Variants in RBP7 observed in about 807,000 individuals in gnomAD.
RBP7 encodes retinoid-binding protein 7.
RBP7 carries 13 observed loss-of-function variants against 16.7 expected under a neutral mutation model. That is an observed-to-expected ratio of 0.78 (90% CI 0.51 to 1.24). The LOEUF (loss-of-function observed/expected upper bound fraction) is 1.24. Among genes scored for constraint, RBP7 ranks in the 50% most tolerant of loss-of-function variants. The probability of loss-of-function intolerance (pLI) is 0.00; values close to 1 mark genes in which losing one functional copy is unlikely to be tolerated. For synonymous variants in RBP7, 54 were observed against 56.2 expected (o/e 0.96, Z 0.17); for missense variants, 145 against 159.5 (o/e 0.91, Z 0.49).
intron 3 of RBP7, among the ~76,000 whole-genome samples, chr1:10,015,268 C>T (rs1002876015): frequency 6.6e-6 from 1 of 151,846 alleles, no homozygotes; most frequent in Non-Finnish European, 1.5e-5. Context: ...GGTGAAACCC[C>T]GTCGCTACTA....
In RBP7 at chr1:10,015,845, A is replaced by G; in HGVS notation, c.*13A>G. 6.2e-7 allele frequency: 1 copy of G among 1,613,170 alleles called. No homozygotes were observed. Among genetic ancestry groups the G allele is most frequent in the Non-Finnish European group, 8.5e-7 (1 of 1,179,142 alleles). On this transcript the variant is annotated 3_prime_UTR_variant, in exon 4 of 4. Transcript: ENST00000294435. ...CCAGAGAGCCTGATCCACATCCAGCAGCAGAGCCCACTTGTGGCTGCAGCT... is the reference window on the plus strand; with the variant it reads ...CCAGAGAGCCTGATCCACATCCAGCGGCAGAGCCCACTTGTGGCTGCAGCT...
intron 1 of RBP7, among the ~76,000 whole-genome samples, chr1:10,001,922 G>A (rs566966950): frequency 4.4e-4 from 67 of 151,878 alleles, no homozygotes; most frequent in Admixed American, 1.6e-3. Context: ...TCCGTCTCCC[G>A]GGTTCAAGCA....
chr1:10,005,631 TC>T, intron 1 of RBP7, among the ~76,000 whole-genome samples: 1 of 151,740 alleles, frequency 6.6e-6, no homozygotes, highest in East Asian at 1.9e-4. Context: ...TCGCACGATC[TC>T]GGCTCACTGC....
intron 3 of RBP7, among the ~76,000 whole-genome samples, chr1:10,012,211 CAAAAAAA>C (rs35228920): frequency 5.9e-5 from 3 of 50,744 alleles, no homozygotes; most frequent in African/African-American, 9.2e-5. Context: ...AACTCCATCT[CAAAAAAA>C]AAAAAAAAAA....
At chr1:10,002,874 A>G (rs1368039719) in intron 1 of RBP7, among the ~76,000 whole-genome samples, 2 of 152,132 alleles carry the variant, frequency 1.3e-5, no homozygotes, top group Non-Finnish European at 2.9e-5. Context: ...AAATCTGTGA[A>G]GTGACAATGT....
chr1:10,004,857 G>A (rs1422915855), intron 1 of RBP7, among the ~76,000 whole-genome samples: 1 of 152,116 alleles, frequency 6.6e-6, no homozygotes, highest in Non-Finnish European at 1.5e-5. Flanking sequence ...GCCAGGTGTG[G>A]TGGCACATGC....
chr1:9,998,246 C>G (rs1642207783), intron 1 of RBP7, among the ~76,000 whole-genome samples: 1 of 152,152 alleles, frequency 6.6e-6, no homozygotes, highest in African/African-American at 2.4e-5. Flanking sequence ...CCCGCCTTGG[C>G]CTCCCAAAGT....
intron 3 of RBP7, among the ~76,000 whole-genome samples, chr1:10,015,146 A>C (rs1642741557): frequency 1.3e-5 from 2 of 152,100 alleles, no homozygotes; most frequent in African/African-American, 2.4e-5. Context: ...CTAGGAGTTC[A>C]AGACCAGCCT....
chr1:10,001,789 ATATT>A (rs1263926313), intron 1 of RBP7, among the ~76,000 whole-genome samples: 1 of 148,624 alleles, frequency 6.7e-6, no homozygotes, highest in African/African-American at 2.5e-5. Flanking sequence ...ACACTGGGAT[ATATT>A]TATTTAATTT....
intron 1 of RBP7, among the ~76,000 whole-genome samples, chr1:10,000,638 A>G (rs936269986): frequency 2.0e-5 from 3 of 152,330 alleles, no homozygotes; most frequent in African/African-American, 7.2e-5. Flanking sequence ...ATGCTTGTTC[A>G]TGTACATGTA....
chr1:9,999,236 C>G (rs1642225316), intron 1 of RBP7, among the ~76,000 whole-genome samples: 1 of 152,082 alleles, frequency 6.6e-6, no homozygotes, highest in Admixed American at 6.6e-5. Flanking sequence ...GGCAGTTAAA[C>G]CTCTTTTTCT....
intron 3 of RBP7, among the ~76,000 whole-genome samples, chr1:10,013,873 G>A (rs1440720709): frequency 6.6e-6 from 1 of 152,046 alleles, no homozygotes; most frequent in East Asian, 1.9e-4. Flanking sequence ...CTACTTGGGT[G>A]GCTGAGGTGG....
intron 2 of RBP7, among the ~76,000 whole-genome samples, 160 bp from the exon 3 acceptor site, chr1:10,008,013 C>T (rs1160150237): frequency 6.6e-6 from 1 of 150,826 alleles, no homozygotes; most frequent in Non-Finnish European, 1.5e-5. Flanking sequence ...AAGATCGTGC[C>T]ACTGCACTCC....
Position 10,015,792 on chromosome 1 carries a change from G to A in RBP7, c.365G>A (p.Cys122Tyr). The A allele has an allele frequency of 6.2e-7, 1 of 1,614,076 alleles. No individual in the cohort carries two copies. The highest frequency in any genetic ancestry group is 8.5e-7 in the Non-Finnish European group (1 of 1,179,966). Residue 122 changes from cysteine to tyrosine, a missense_variant, in exon 4 of 4, where the codon TGT becomes TAT. Coordinates refer to ENST00000294435, the MANE Select transcript of RBP7 (RefSeq NM_052960.3). ...EGDKLHLEMF[C>Y]EGQVCKQTFQ... ...CTCCTTACGCCCTAGGAAATGTTCTGTGAAGGTCAAGTGTGCAAACAGACA... is the reference window on the plus strand; with the variant it reads ...CTCCTTACGCCCTAGGAAATGTTCTATGAAGGTCAAGTGTGCAAACAGACA...
At position 10,002,601 on chromosome 1, in the gene RBP7, G is replaced by A. The variant is rs1642308209; in HGVS notation, c.74-4969G>A. Among the ~76,000 whole-genome samples, 3 of 152,062 alleles carry A rather than the reference G, an allele frequency of 2.0e-5. No homozygotes were observed. The South Asian group carries it at 6.2e-4, about 32-fold the overall frequency. On this transcript the variant is annotated intron_variant, in intron 1 of 3. Transcript: ENST00000294435. ...TGCAACCTCCTCCTTCTAGGCTCAA[G>A]CGATCCTCCCACCTCAGCCTCCCCA...
chr1:10,012,616 A>G (rs1214948052), intron 3 of RBP7, among the ~76,000 whole-genome samples: 2 of 143,306 alleles, frequency 1.4e-5, no homozygotes, highest in East Asian at 4.1e-4. Flanking sequence ...ACGTAGGACT[A>G]GCCTGTCTTT....
rs1019806465 is a variant in RBP7, at chr1:9,997,751, G to A, written c.73+420G>A. Among the ~76,000 whole-genome samples, 1 of 151,958 alleles carries A rather than the reference G, an allele frequency of 6.6e-6. No individual in the cohort carries two copies. Among genetic ancestry groups the A allele is most frequent in the African/African-American group, 2.4e-5 (1 of 41,412 alleles). On this transcript the variant is annotated intron_variant, in intron 1 of 3. Transcript: ENST00000294435. The surrounding 1 kb of genome is among the most constrained non-coding windows in gnomAD (Gnocchi z 5.9). ...GGCCGGGGAGGGGGCGCCCGGGACC[G>A]AAGCCTCTGCCCGGCCACCCTCCCC... is the stretch of plus-strand genomic sequence containing the variant.
At chr1:10,015,448 C>CA (rs372218937) in intron 3 of RBP7, among the ~76,000 whole-genome samples, 36,298 of 94,508 alleles carry the variant, frequency 0.38, 8,200 homozygotes, top group African/African-American at 0.67. Flanking sequence ...GACTCCATCT[C>CA]AAAAAAAAAA....
At chr1:10,002,522 T>A (rs1482490481) in intron 1 of RBP7, among the ~76,000 whole-genome samples, 1 of 151,490 alleles carries the variant, frequency 6.6e-6, no homozygotes, top group African/African-American at 2.4e-5. Context: ...TTTTTTGAGA[T>A]AGGATCTCAC....
Sources: gnomAD v4.1 joint callset for allele counts (sites outside exome capture counted in the v4.1 genomes callset) on GRCh38, gnomAD v4.1.1 for gene constraint, Gnocchi (gnomAD v3.1) non-coding constraint, MANE v1.5 for transcripts, NCBI Gene and HGNC (gene_info 2026-07-23, HGNC 2026-07-21) for gene names.